CTTN: variants seen among roughly 807,000 people sequenced by gnomAD.
CTTN encodes the protein cortactin.
In CTTN, 28 loss-of-function variants were observed where a neutral mutation model predicts 84.0. That is an observed-to-expected ratio of 0.33 (90% CI 0.25 to 0.46). CTTN has a LOEUF of 0.46. CTTN is among the 20% of genes least tolerant of loss of function. The probability of loss-of-function intolerance (pLI) is 1.00; values close to 1 mark genes in which losing one functional copy is unlikely to be tolerated. For missense variants in CTTN, 641 were observed against 723.8 expected (o/e 0.89, Z 1.31); for synonymous variants, 301 against 288.8 (o/e 1.04, Z -0.43).
chr11:70,435,433 T>A lies in CTTN; in HGVS notation c.*271T>A, dbSNP rs1367156221. 6.6e-7 allele frequency: 1 copy of A among 1,508,652 alleles called. No homozygotes were observed. Among genetic ancestry groups the A allele is most frequent in the Admixed American group, 2.5e-5 (1 of 40,570 alleles). 93.5% of individuals were successfully genotyped at this position (1,508,652 alleles called of 1,614,324 possible). A position where few individuals can be genotyped will look rare whatever the true frequency, so the allele number is the denominator to read the frequency against. On this transcript the variant is annotated 3_prime_UTR_variant, in exon 18 of 18. Transcript: ENST00000301843. ...GTTTTATGCATTGATGGTTTTTTTTTTCTTTTTTGCCAAATTGACTGTCAC... is the reference window on the plus strand; with the variant it reads ...GTTTTATGCATTGATGGTTTTTTTTATCTTTTTTGCCAAATTGACTGTCAC...
At chr11:70,413,736 G>T (rs1167048481) in intron 5 of CTTN, among the ~76,000 whole-genome samples, 1 of 152,202 alleles carries the variant, frequency 6.6e-6, no homozygotes, top group Non-Finnish European at 1.5e-5. Context: ...GCCTGAACAG[G>T]GTGCTGCTCA....
intron 9 of CTTN, chr11:70,420,153 A>G (rs981618430): frequency 1.0e-4 from 61 of 596,370 alleles, no homozygotes; most frequent in Admixed American, 4.2e-4. Flanking sequence ...TGGAAGCCGC[A>G]TGCGTGGGAG....
At chr11:70,423,071 C>A in intron 12 of CTTN, 76 bp downstream of exon 12, 1 of 1,556,424 alleles carries the variant, frequency 6.4e-7, no homozygotes. Flanking sequence ...CCGTGCTGGC[C>A]AACATCCACG....
At chr11:70,415,036 G>A (rs1000710415) in intron 6 of CTTN, among the ~76,000 whole-genome samples, 4 of 152,240 alleles carry the variant, frequency 2.6e-5, no homozygotes, top group East Asian at 1.9e-4. Context: ...CAGGCTTTGC[G>A]TCCAGGTGTT....
At chr11:70,426,423 AAAAGAG>A (rs1565497845) in intron 13 of CTTN, among the ~76,000 whole-genome samples, 1 of 151,838 alleles carries the variant, frequency 6.6e-6, no homozygotes, top group African/African-American at 2.4e-5. Context: ...AAAAAAAAAA[AAAAGAG>A]AGAGAGGAAT....
intron 12 of CTTN, among the ~76,000 whole-genome samples, chr11:70,424,688 G>A (rs2058281039): frequency 6.6e-6 from 1 of 151,998 alleles, no homozygotes; most frequent in South Asian, 2.1e-4. Flanking sequence ...AGGGAGCGGG[G>A]TCCGAGGAAG....
chr11:70,425,375 A>G lies in CTTN; in HGVS notation c.1001A>G (p.Tyr334Cys). ...GATGTCACCCAGGTGTCCTCTGCCTACCAGAAGACAGTACCTGTCGAAGCT... is the reference window on the plus strand; with the variant it reads ...GATGTCACCCAGGTGTCCTCTGCCTGCCAGAAGACAGTACCTGTCGAAGCT... ...FEDVTQVSSA[Y>C]QKTVPVEAVT... The change falls in exon 13 of 18, where the codon TAC becomes TGC. Residue 334 changes from tyrosine to cysteine, a missense_variant. Tyr to Cys is a radical substitution (Grantham distance 194). Coordinates refer to ENST00000301843, the MANE Select transcript of CTTN (RefSeq NM_005231.4). The G allele has an allele frequency of 6.2e-7, 1 of 1,612,610 alleles. No homozygotes were observed. The highest frequency in any genetic ancestry group is 8.5e-7 in the Non-Finnish European group (1 of 1,179,360).
intron 11 of CTTN, chr11:70,422,309 C>T: frequency 5.5e-6 from 2 of 360,666 alleles, no homozygotes; most frequent in South Asian, 4.1e-5. Context: ...CCACCTGCAG[C>T]GTTAGAAACA....
chr11:70,433,395 G>A lies in CTTN; in HGVS notation c.1444+117G>A, dbSNP rs918101913. The A allele has an allele frequency of 7.3e-6, 8 of 1,101,602 alleles. No homozygotes were observed. The African/African-American group carries it at 1.1e-4, about 15-fold the overall frequency. 68.2% of individuals were successfully genotyped at this position (1,101,602 alleles called of 1,614,324 possible). On this transcript the variant is annotated intron_variant, in intron 16 of 17. Transcript: ENST00000301843. Reference sequence around the variant, plus strand: ...GTTTCCCACTGACACGCCTTTGCTTGCTTGCTATAGGGTCTTCTTGTCCCT... The same window carrying A: ...GTTTCCCACTGACACGCCTTTGCTTACTTGCTATAGGGTCTTCTTGTCCCT...
At chr11:70,420,068 G>A (rs2058212833) in intron 9 of CTTN, 1 of 603,576 alleles carries the variant, frequency 1.7e-6, no homozygotes, top group Non-Finnish European at 2.9e-6. Flanking sequence ...AGCCCCAGCG[G>A]CGTTGCTTAT....
At position 70,421,500 on chromosome 11, in the gene CTTN, G is replaced by T. The variant is rs2058235842; in HGVS notation, c.821G>T (p.Gly274Val). Residue 274 changes from glycine (G) to valine (V), a missense_variant, in exon 11 of 18, where the codon GGT becomes GTT. Physicochemically the swap from Gly to Val is moderately radical, Grantham distance 109. Around this residue, in one of 3 missense-constraint regions of CTTN, gnomAD observed 289 missense variants for 273.1 expected, o/e 1.06. Coordinates refer to ENST00000301843, the MANE Select transcript of CTTN (RefSeq NM_005231.4). Reference protein sequence around the residue: ...DYKTGFGGKFGVQSERQDSAA... With the variant: ...DYKTGFGGKFVVQSERQDSAA... ...AAGACTGGTTTTGGAGGCAAATTCG[G>T]TGTTCAGTCGGAGAGGCAGGACTCC... 2 of 1,613,900 alleles carry T rather than the reference G, an allele frequency of 1.2e-6. No individual in the cohort carries two copies. Among genetic ancestry groups the T allele is most frequent in the Admixed American group, 1.7e-5 (1 of 60,002 alleles).
chr11:70,415,744 C>T (rs1377720795), intron 7 of CTTN, 27 bp downstream of exon 7: 1 of 1,612,770 alleles, frequency 6.2e-7, no homozygotes, highest in African/African-American at 1.3e-5. Flanking sequence ...GCAGAAAGAG[C>T]CCGCTCCGGG....
intron 17 of CTTN, among the ~76,000 whole-genome samples, chr11:70,434,532 G>A (rs1591454367): frequency 1.3e-5 from 2 of 152,278 alleles, no homozygotes; most frequent in African/African-American, 4.8e-5. Flanking sequence ...GTGCATTTGC[G>A]TACACGCATG....
intron 7 of CTTN, chr11:70,416,017 C>A (rs2058154906): frequency 2.7e-6 from 1 of 376,074 alleles, no homozygotes; most frequent in Non-Finnish European, 4.9e-6. Flanking sequence ...GCCTTCCCTT[C>A]ATCTGGGCAG....
At position 70,435,630 on chromosome 11, in the gene CTTN, G is replaced by A. The variant is rs113099964; in HGVS notation, c.*468G>A. 1.5e-4 allele frequency: 244 copies of A among 1,593,852 alleles called. No individual in the cohort carries two copies. The highest frequency in any genetic ancestry group is 2.0e-4 in the Non-Finnish European group (237 of 1,177,832). ...TCCTCTAGAGTCTCACTGCTGGGGA[G>A]GAGAGGACTGGGCCTGATGGAAGTT... On this transcript the variant is annotated 3_prime_UTR_variant, in exon 18 of 18. Coordinates refer to ENST00000301843, the MANE Select transcript of CTTN (RefSeq NM_005231.4).
intron 15 of CTTN, among the ~76,000 whole-genome samples, chr11:70,432,555 TG>T (rs1163098803): frequency 1.9e-4 from 29 of 152,146 alleles, no homozygotes; most frequent in Admixed American, 1.9e-3. Context: ...GAAGCGGCAG[TG>T]GTTATAGATA....
Position 70,415,696 on chromosome 11 carries a change from G to A in CTTN, c.436G>A (p.Glu146Lys). 6.2e-7 allele frequency: 1 copy of A among 1,614,218 alleles called. No individual in the cohort carries two copies. The highest frequency in any genetic ancestry group is 8.5e-7 in the Non-Finnish European group (1 of 1,180,000). Reference sequence around the variant, plus strand: ...AGGCTTTGAATACCAGGGGAAGACTGAGAAGCATGCCTCCCAGAAAGGTAA... The same window carrying A: ...AGGCTTTGAATACCAGGGGAAGACTAAGAAGCATGCCTCCCAGAAAGGTAA... ...AVGFEYQGKT[E>K]KHASQKDYSS... is the part of the protein sequence containing the mutation. The change falls in exon 7 of 18, where the codon GAG becomes AAG. Residue 146 changes from glutamate to lysine, a missense_variant. Physicochemically the swap from Glu to Lys is moderately conservative, Grantham distance 56. Transcript: ENST00000301843.
intron 2 of CTTN, among the ~76,000 whole-genome samples, chr11:70,405,971 C>G (rs1201643225): frequency 6.6e-6 from 1 of 152,250 alleles, no homozygotes; most frequent in African/African-American, 2.4e-5. Flanking sequence ...TCCCGTTTCT[C>G]TTTCCTGCAG....
At chr11:70,421,603 A>C (rs1591443789) in intron 11 of CTTN, 23 bp downstream of exon 11, 2 of 1,558,928 alleles carry the variant, frequency 1.3e-6, no homozygotes, top group Non-Finnish European at 1.8e-6. Context: ...CCAGCCTCCT[A>C]CCCTCCCCCC....
Sources: allele counts gnomAD v4.1 joint callset (sites outside exome capture counted in the v4.1 genomes callset), GRCh38; gene constraint gnomAD v4.1.1; regional missense constraint gnomAD v4.1.1; transcripts MANE v1.5; gene names NCBI Gene and HGNC (gene_info 2026-07-23, HGNC 2026-07-21).